NF1: variants seen among roughly 807,000 people sequenced by gnomAD.
The protein encoded by NF1 is neurofibromin 1, also known as neurofibromin.
A neutral mutation model predicts 325.7 loss-of-function variants in NF1; 122 were observed. That is an observed-to-expected ratio of 0.37 (90% CI 0.32 to 0.44). The LOEUF is 0.44. Ranked by LOEUF, NF1 falls within the 20% of genes least tolerant of loss-of-function variation. The pLI is 1.00. For missense variants in NF1, 2,140 were observed against 3,415.4 expected (o/e 0.63, Z 9.31); for synonymous variants, 1,091 against 1,186.0 (o/e 0.92, Z 1.65).
rs17885789 is a variant in NF1 at position 31,154,710 on chromosome 17, C to T, written c.61-1273C>T. ...ACACTCTAAAAATGCTGCCCCACCC[C>T]GCCAATTTCATTTAGTATTTCCTTT... On this transcript the variant is annotated intron_variant, in intron 1 of 57. Coordinates refer to ENST00000358273, the MANE Select transcript of NF1 (RefSeq NM_001042492.3). Among the ~76,000 whole-genome samples, 248 of 150,838 alleles carry T rather than the reference C, an allele frequency of 1.6e-3. 1 individual carries two copies. Among genetic ancestry groups the T allele is most frequent in the African/African-American group, 5.3e-3 (216 of 41,026 alleles).
rs587782814 is a variant in NF1, at chr17:31,229,204, T to C, written c.2589T>C (p.Tyr863=). The part of the protein sequence containing the change: ...QQRSNSGLAT[Y]SPPMGPVSER... Reference sequence around the variant, plus strand: ...GAAGCAATTCTGGCCTGGCAACCTATAGCCCACCCATGGGTCCAGTCAGTG... The same window carrying C: ...GAAGCAATTCTGGCCTGGCAACCTACAGCCCACCCATGGGTCCAGTCAGTG... The change falls in exon 21 of 58, where the codon TAT becomes TAC. Residue 863 remains tyrosine, a synonymous_variant. Coordinates refer to ENST00000358273, the MANE Select transcript of NF1 (RefSeq NM_001042492.3). 1 of 1,612,008 alleles carries C rather than the reference T, an allele frequency of 6.2e-7. No individual in the cohort carries two copies. Among genetic ancestry groups the C allele is most frequent in the African/African-American group, 1.3e-5 (1 of 74,980 alleles).
Position 31,155,911 on chromosome 17 carries a change from T to A in NF1, c.61-72T>A. The A allele has an allele frequency of 1.9e-6, 3 of 1,538,956 alleles. No homozygotes were observed. The South Asian group carries it at 3.6e-5, about 19-fold the overall frequency. ...TTTCCTAAAACGTCATGATTTTCAA[T>A]GGCAAGTAAGTTATTTATGGTCGTT... On this transcript the variant is annotated intron_variant, in intron 1 of 57. Transcript: ENST00000358273.
In NF1 at chr17:31,373,983, G is replaced by C. The variant is rs759710899; in HGVS notation, c.8378-30G>C. The C allele has an allele frequency of 8.1e-6, 13 of 1,613,798 alleles. No homozygotes were observed. The South Asian group carries it at 1.4e-4, about 18-fold the overall frequency. ...AAATTCAGTCCTGGAAGGAAAAGAAGAAGTAACTGGCTGTTCTCTTTTTCT... is the reference window on the plus strand; with the variant it reads ...AAATTCAGTCCTGGAAGGAAAAGAACAAGTAACTGGCTGTTCTCTTTTTCT... On this transcript the variant is annotated intron_variant, in intron 57 of 57. Coordinates refer to ENST00000358273, the MANE Select transcript of NF1 (RefSeq NM_001042492.3).
chr17:31,102,572 G>A (rs1912443014), intron 1 of NF1, among the ~76,000 whole-genome samples: 1 of 151,866 alleles, frequency 6.6e-6, no homozygotes, highest in Non-Finnish European at 1.5e-5. Flanking sequence ...GTGAGATGCT[G>A]TCTCTAAAAA....
chr17:31,328,247 A>T (rs1339979346), intron 38 of NF1, among the ~76,000 whole-genome samples: 1 of 152,368 alleles, frequency 6.6e-6, no homozygotes, highest in Middle Eastern at 3.4e-3. Context: ...ACATTATTGC[A>T]TACTTTCCAC....
At chr17:31,158,099 C>T (rs1037755720) in intron 2 of NF1, among the ~76,000 whole-genome samples, 3 of 152,130 alleles carry the variant, frequency 2.0e-5, no homozygotes, top group African/African-American at 4.8e-5. Context: ...TCTCCCTACC[C>T]GACCCTTCTT....
At chr17:31,196,678 G>A (rs1490390688) in intron 8 of NF1, among the ~76,000 whole-genome samples, 2 of 151,946 alleles carry the variant, frequency 1.3e-5, no homozygotes, top group African/African-American at 2.4e-5. Context: ...TTACTGTTAA[G>A]TTTTGGTCTT....
At chr17:31,250,470 G>A (rs2067475637) in intron 30 of NF1, 1 of 208,774 alleles carries the variant, frequency 4.8e-6, no homozygotes, top group African/African-American at 2.3e-5. Context: ...TTTCTAAAAT[G>A]ACAGAGGCTT....
intron 32 of NF1, 106 bp from the exon 33 acceptor site, chr17:31,258,926 C>T: frequency 1.4e-6 from 1 of 735,020 alleles, no homozygotes; most frequent in African/African-American, 1.8e-5. Flanking sequence ...TAAGTACTAG[C>T]AGAAATTATA....
intron 8 of NF1, among the ~76,000 whole-genome samples, chr17:31,185,570 C>G (rs1437947043): frequency 2.6e-5 from 4 of 152,140 alleles, no homozygotes; most frequent in Non-Finnish European, 1.5e-5. Flanking sequence ...GATATTCTTT[C>G]TAAGGTGAAG....
chr17:31,134,054 T>C (rs1915588418), intron 1 of NF1, among the ~76,000 whole-genome samples: 1 of 152,202 alleles, frequency 6.6e-6, no homozygotes, highest in Non-Finnish European at 1.5e-5. Context: ...TGCTCTGTCA[T>C]GCAGACTAGA....
intron 1 of NF1, among the ~76,000 whole-genome samples, chr17:31,121,487 G>A (rs529360166): frequency 3.6e-5 from 5 of 140,282 alleles, no homozygotes; most frequent in East Asian, 2.2e-4. Context: ...TGCAAGCTCC[G>A]CCTCCCGTGT....
chr17:31,366,667 T>C (rs1416306166), intron 57 of NF1, among the ~76,000 whole-genome samples: 3 of 152,148 alleles, frequency 2.0e-5, no homozygotes, highest in African/African-American at 4.8e-5. Context: ...GGTGGGAGGA[T>C]TGCTTGAGCC....
Position 31,238,605 on chromosome 17 carries a change from G to A in NF1, c.3974+2584G>A, listed in dbSNP as rs142941945. Among the ~76,000 whole-genome samples, 647 of 152,046 alleles carry A rather than the reference G, an allele frequency of 4.3e-3. 2 individuals carry two copies. Among genetic ancestry groups the A allele is most frequent in the Middle Eastern group, 0.024 (7 of 294 alleles). ...AAAAATTAGCTGGGTGTGGTGGCACGTGCCTGTAGTCCCAGCTACCAGGAG... is the reference window on the plus strand; with the variant it reads ...AAAAATTAGCTGGGTGTGGTGGCACATGCCTGTAGTCCCAGCTACCAGGAG... On this transcript the variant is annotated intron_variant, in intron 29 of 57. Coordinates refer to ENST00000358273, the MANE Select transcript of NF1 (RefSeq NM_001042492.3).
At position 31,249,107 on chromosome 17, in the gene NF1, C is replaced by G. The variant is rs1555617377; in HGVS notation, c.4098C>G (p.His1366Gln). 6.2e-7 allele frequency: 1 copy of G among 1,613,902 alleles called. No homozygotes were observed. The highest frequency in any genetic ancestry group is 8.5e-7 in the Non-Finnish European group (1 of 1,179,950). ...CCCCTCAACTTCGAAGTGTGTGCCA[C>G]TGTTTATACCAGGTATGCTTACAGT... ...EFPPQLRSVC[H>Q]CLYQATCHSL... is the part of the protein sequence containing the mutation. The change falls in exon 30 of 58, where the codon CAC becomes CAG. Residue 1366 changes from histidine to glutamine, a missense_variant. His to Gln is a conservative substitution (Grantham distance 24). Coordinates refer to ENST00000358273, the MANE Select transcript of NF1 (RefSeq NM_001042492.3).
At chr17:31,270,644 C>A (rs554193165) in intron 36 of NF1, among the ~76,000 whole-genome samples, 1 of 151,994 alleles carries the variant, frequency 6.6e-6, no homozygotes, top group Non-Finnish European at 1.5e-5. Flanking sequence ...AACAAAAACC[C>A]CAAGTTACAA....
chr17:31,303,359 C>T (rs1353851952), intron 36 of NF1, among the ~76,000 whole-genome samples: 1 of 151,996 alleles, frequency 6.6e-6, no homozygotes, highest in Admixed American at 6.6e-5. Flanking sequence ...TCAGACTTAC[C>T]AATTGTCAGA....
At chr17:31,230,788 T>C (rs972736409) in intron 23 of NF1, 54 bp from the exon 24 acceptor site, 11 of 1,290,326 alleles carry the variant, frequency 8.5e-6, no homozygotes, top group Non-Finnish European at 1.1e-5. Context: ...TAAAGGTGTG[T>C]GTGTGGCTTC....
chr17:31,300,723 C>T (rs921864648), intron 36 of NF1, among the ~76,000 whole-genome samples: 1 of 152,100 alleles, frequency 6.6e-6, no homozygotes, highest in Non-Finnish European at 1.5e-5. Flanking sequence ...CCAGACATTA[C>T]TAAATTCCTC....
Sources: gnomAD v4.1 joint callset for allele counts (sites outside exome capture counted in the v4.1 genomes callset) on GRCh38, gnomAD v4.1.1 for gene constraint, MANE v1.5 for transcripts, NCBI Gene and HGNC (gene_info 2026-07-23, HGNC 2026-07-21) for gene names.